LMAN1L: variants seen among roughly 807,000 people sequenced by gnomAD.
The protein encoded by LMAN1L is lectin, mannose binding 1 like.
A neutral mutation model predicts 58.3 loss-of-function variants in LMAN1L; 60 were observed. That is an observed-to-expected ratio of 1.03 (90% CI 0.84 to 1.27). The LOEUF (loss-of-function observed/expected upper bound fraction) is 1.27. LMAN1L is among the 50% of genes most tolerant of loss of function. The pLI, the probability that LMAN1L is intolerant of heterozygous loss-of-function variation, is 0.00. For synonymous variants in LMAN1L, 280 were observed against 271.6 expected (o/e 1.03, Z -0.31); for missense variants, 629 against 674.0 (o/e 0.93, Z 0.74).
At chr15:74,823,848 C>A in intron 12 of LMAN1L, 166 bp downstream of exon 12, 1 of 681,884 alleles carries the variant, frequency 1.5e-6, no homozygotes, top group Non-Finnish European at 2.4e-6. Context: ...TGTGTCCGTG[C>A]ATACGTGCCA....
rs758581083 is a variant in LMAN1L, at chr15:74,816,682, G to A, written c.489G>A (p.Glu163=). 2 of 1,613,774 alleles carry A rather than the reference G, an allele frequency of 1.2e-6. No individual in the cohort carries two copies. The highest frequency in any genetic ancestry group is 1.7e-6 in the Non-Finnish European group (2 of 1,179,840). The change falls in exon 4 of 14, where the codon GAG becomes GAA. Residue 163 remains glutamate (E), a synonymous_variant. Coordinates refer to ENST00000309664, the MANE Select transcript of LMAN1L (RefSeq NM_021819.3). ...VLASDGHIPS[E]QPGDGASQGL... is the part of the protein sequence containing the mutation. ...CCAGCGACGGGCACATCCCCTCTGA[G>A]CAGCCTGGGTAAGGGCCTGTCTGGA...
chr15:74,814,166 C>T (rs891771785), intron 1 of LMAN1L, among the ~76,000 whole-genome samples: 5 of 150,260 alleles, frequency 3.3e-5, no homozygotes, highest in South Asian at 2.1e-4. Context: ...AGAAATGGCA[C>T]GATTCCTAAC....
chr15:74,819,120 C>G, intron 5 of LMAN1L, 32 bp from the exon 6 acceptor site: 1 of 1,579,570 alleles, frequency 6.3e-7, no homozygotes, highest in Non-Finnish European at 8.6e-7. Flanking sequence ...TAGGGACACC[C>G]CCCCACTGCT....
Position 74,822,710 on chromosome 15 carries a change from G to A in LMAN1L, c.1199+1G>A. On this transcript the variant is annotated splice_donor_variant, in intron 11 of 13. Coordinates refer to ENST00000309664, the MANE Select transcript of LMAN1L (RefSeq NM_021819.3). LOFTEE classifies it high-confidence loss of function. ...TGCTCCAGGCCCTGCAAGAGATGAG[G>A]TAAGGGACTGGGTGGGGACCCCTCC... The A allele has an allele frequency of 6.2e-7, 1 of 1,613,040 alleles. No homozygotes were observed. The highest frequency in any genetic ancestry group is 8.5e-7 in the Non-Finnish European group (1 of 1,179,012).
chr15:74,820,285 C>T (rs1010403503), intron 7 of LMAN1L, 186 bp downstream of exon 7: 1 of 636,802 alleles, frequency 1.6e-6, no homozygotes, highest in Non-Finnish European at 2.8e-6. Flanking sequence ...CGCAGGCTGG[C>T]TGGCTCAGGC....
intron 9 of LMAN1L, 44 bp downstream of exon 9, chr15:74,821,270 A>G: frequency 6.5e-7 from 1 of 1,541,326 alleles, no homozygotes; most frequent in East Asian, 2.4e-5. Flanking sequence ...TGCGGGCCTG[A>G]AAGAGGAGCA....
chr15:74,825,571 G>T lies in LMAN1L; in HGVS notation c.1547G>T (p.Arg516Met), dbSNP rs79217743. Residue 516 changes from arginine to methionine, a missense_variant, in exon 14 of 14, where the codon AGG becomes ATG. Arg to Met is a moderately conservative substitution (Grantham distance 91, BLOSUM62 -1). Around this residue, in one of 3 missense-constraint regions of LMAN1L, gnomAD observed 53 missense variants for 59.7 expected, o/e 0.89. Coordinates refer to ENST00000309664, the MANE Select transcript of LMAN1L (RefSeq NM_021819.3). The part of the protein sequence containing the change: ...PHTPRALGIL[R>M]RQPLPASMPA ...ACCCCCAGGGCCCTGGGGATTCTGAGGAGGCAGCCTCTCCCTGCCAGCATG... is the reference window on the plus strand; with the variant it reads ...ACCCCCAGGGCCCTGGGGATTCTGATGAGGCAGCCTCTCCCTGCCAGCATG... The T allele has an allele frequency of 0.13, 204,216 of 1,612,618 alleles. 13,847 individuals are homozygous for T. Among genetic ancestry groups the T allele is most frequent in the Non-Finnish European group, 0.14 (163,599 of 1,179,068 alleles).
At chr15:74,819,469 C>A in intron 6 of LMAN1L, 197 bp downstream of exon 6, 2 of 665,024 alleles carry the variant, frequency 3.0e-6, no homozygotes, top group South Asian at 4.9e-5. Flanking sequence ...GCTTTGATTT[C>A]AGTGCTGGCC....
chr15:74,823,896 T>C lies in LMAN1L; in HGVS notation c.1323+214T>C, dbSNP rs1596380812. The C allele has an allele frequency of 6.8e-6, 4 of 588,252 alleles. No individual in the cohort carries two copies. In the East Asian group the frequency reaches 8.7e-5, roughly 13 times the overall value. 36.4% of individuals were successfully genotyped at this position (588,252 alleles called of 1,614,324 possible). A position where few individuals can be genotyped will look rare whatever the true frequency, so the allele number is the denominator to read the frequency against. On this transcript the variant is annotated intron_variant, in intron 12 of 13. Transcript: ENST00000309664. ...TCTTTTCTCTGTCCTCTCTCCTCTC[T>C]GAAGAGTCCCACAGACTCAGCAGCA...
At chr15:74,819,121 C>T in intron 5 of LMAN1L, 31 bp from the exon 6 acceptor site, 1 of 1,580,844 alleles carries the variant, frequency 6.3e-7, no homozygotes, top group African/African-American at 1.3e-5. Flanking sequence ...AGGGACACCC[C>T]CCCACTGCTC....
intron 13 of LMAN1L, 89 bp from the exon 14 acceptor site, chr15:74,825,387 G>C: frequency 7.1e-7 from 1 of 1,409,884 alleles, no homozygotes; most frequent in Non-Finnish European, 9.8e-7. Context: ...GGTGCAGTGA[G>C]TGTAGCAAGG....
At position 74,812,905 on chromosome 15, in the gene LMAN1L, C is replaced by T. The variant is rs747208131; in HGVS notation, c.51C>T (p.Leu17=). The change falls in exon 1 of 14, where the codon CTC becomes CTT. Residue 17 remains leucine (L), a synonymous_variant. Coordinates refer to ENST00000309664, the MANE Select transcript of LMAN1L (RefSeq NM_021819.3). ...PGPLFCLLLL[L]LDPHSPETGC... ...CCTTATTCTGCCTTCTCCTCCTGCT[C>T]CTGGACCCCCACAGCCCTGAGACGG... is the stretch of plus-strand genomic sequence containing the variant. The T allele has an allele frequency of 2.5e-6, 4 of 1,613,664 alleles. No individual in the cohort carries two copies. The highest frequency in any genetic ancestry group is 2.5e-6 in the Non-Finnish European group (3 of 1,179,700).
chr15:74,820,946 A>C, intron 8 of LMAN1L, 129 bp from the exon 9 acceptor site: 1 of 1,337,500 alleles, frequency 7.5e-7, no homozygotes, highest in Non-Finnish European at 1.0e-6. Context: ...CTCATCTTCC[A>C]GGAGAGGGTC....
intron 4 of LMAN1L, among the ~76,000 whole-genome samples, chr15:74,818,298 G>A (rs1024964088): frequency 1.3e-5 from 2 of 152,160 alleles, no homozygotes; most frequent in Non-Finnish European, 2.9e-5. Context: ...ATGCCAGCTC[G>A]CCCAGCGGAA....
intron 3 of LMAN1L, 46 bp from the exon 4 acceptor site, chr15:74,816,586 C>T: frequency 4.4e-6 from 7 of 1,597,496 alleles, no homozygotes; most frequent in Non-Finnish European, 6.0e-6. Flanking sequence ...ACACCCTCCC[C>T]CTCCCGCCAT....
chr15:74,814,634 A>G (rs1171402498), intron 1 of LMAN1L, among the ~76,000 whole-genome samples: 3 of 152,072 alleles, frequency 2.0e-5, no homozygotes, highest in Non-Finnish European at 2.9e-5. Context: ...TGGCCTCCCA[A>G]AGTGCTGGGA....
intron 4 of LMAN1L, 127 bp from the exon 5 acceptor site, chr15:74,818,591 G>A: frequency 1.4e-6 from 1 of 701,650 alleles, no homozygotes; most frequent in East Asian, 2.7e-5. Flanking sequence ...CTACTTGGGA[G>A]GCTGAGGTGG....
intron 6 of LMAN1L, chr15:74,819,750 C>A: frequency 1.9e-6 from 1 of 535,810 alleles, no homozygotes; most frequent in Non-Finnish European, 3.4e-6. Context: ...GCTCTGGGGG[C>A]CTAAGAGTGT....
At chr15:74,814,100 T>C (rs1318821568) in intron 1 of LMAN1L, among the ~76,000 whole-genome samples, 1 of 130,728 alleles carries the variant, frequency 7.6e-6, no homozygotes, top group Non-Finnish European at 1.6e-5. Context: ...CACTTCAGCC[T>C]GGGCACAGAG....
Sources: allele counts gnomAD v4.1 joint callset (sites outside exome capture counted in the v4.1 genomes callset), GRCh38; gene constraint gnomAD v4.1.1; regional missense constraint gnomAD v4.1.1; transcripts MANE v1.5; gene names NCBI Gene and HGNC (gene_info 2026-07-23, HGNC 2026-07-21).